The following DCAF5 variants were observed in gnomAD, a reference collection of about 807,000 sequenced individuals.
DCAF5 encodes the protein DDB1 and CUL4 associated factor 5, also known as DDB1- and CUL4-associated factor 5.
In DCAF5, 9 loss-of-function variants were observed where a neutral mutation model predicts 80.7. The observed-to-expected ratio is 0.11, with a 90% CI of 0.07 to 0.19. The LOEUF (loss-of-function observed/expected upper bound fraction) is 0.19. Among genes scored for constraint, DCAF5 ranks in the 10% least tolerant of loss-of-function variants. DCAF5 has a pLI of 1.00. For synonymous variants in DCAF5, 433 were observed against 461.9 expected (o/e 0.94, Z 0.80); for missense variants, 842 against 1,205.7 (o/e 0.70, Z 4.47).
chr14:69,102,855 C>G (rs1402489789), intron 5 of DCAF5, among the ~76,000 whole-genome samples: 3 of 152,068 alleles, frequency 2.0e-5, no homozygotes, highest in Non-Finnish European at 4.4e-5. Context: ...ATACAGTAAA[C>G]AGGTAAACCA....
At chr14:69,139,319 A>G (rs1428506174) in intron 1 of DCAF5, among the ~76,000 whole-genome samples, 1 of 150,192 alleles carries the variant, frequency 6.7e-6, no homozygotes, top group Non-Finnish European at 1.5e-5. Flanking sequence ...CCTTGTCTCT[A>G]CGAAAAAATT....
chr14:69,120,213 A>C (rs1243057120), intron 2 of DCAF5, among the ~76,000 whole-genome samples: 3 of 152,058 alleles, frequency 2.0e-5, no homozygotes, highest in African/African-American at 7.2e-5. Flanking sequence ...CCTCTCTAGT[A>C]GCTGGAACTA....
At chr14:69,114,559 G>A (rs2040479721) in intron 5 of DCAF5, among the ~76,000 whole-genome samples, 1 of 152,190 alleles carries the variant, frequency 6.6e-6, no homozygotes, top group Admixed American at 6.5e-5. Context: ...ATAAGAAACT[G>A]TTCACTGTAG....
At position 69,084,978 on chromosome 14, in the gene DCAF5, G is replaced by T. The variant is rs1365179273; in HGVS notation, c.879+6696C>A. 8 of 1,419,258 alleles carry T rather than the reference G, an allele frequency of 5.6e-6. No homozygotes were observed. In the African/African-American group the frequency reaches 1.1e-4, roughly 20 times the overall value. 87.9% of individuals were successfully genotyped at this position (1,419,258 alleles called of 1,614,324 possible). On this transcript the variant is annotated intron_variant, in intron 6 of 8. Transcript: ENST00000341516. The stretch of plus-strand genomic sequence containing the variant: ...TGCCTTGCTCATTTTGCACCCAGAA[G>T]AATTGGGTTTTCTTCACTACCTGAA...
At chr14:69,101,139 G>A (rs956798178) in intron 5 of DCAF5, among the ~76,000 whole-genome samples, 5 of 152,148 alleles carry the variant, frequency 3.3e-5, no homozygotes, top group South Asian at 2.1e-4. Flanking sequence ...TCAAGCAGCC[G>A]AAATAGAAGC....
intron 1 of DCAF5, among the ~76,000 whole-genome samples, chr14:69,136,903 A>T (rs764541966): frequency 7.9e-5 from 12 of 152,232 alleles, no homozygotes; most frequent in Non-Finnish European, 1.2e-4. Flanking sequence ...TAAAATATTA[A>T]TCTTAATATT....
chr14:69,096,662 A>C (rs1389570125), intron 5 of DCAF5, among the ~76,000 whole-genome samples: 2 of 152,180 alleles, frequency 1.3e-5, no homozygotes, highest in African/African-American at 4.8e-5. Context: ...AAAGCCCCAC[A>C]GAACCAATCA....
intron 6 of DCAF5, among the ~76,000 whole-genome samples, chr14:69,087,637 G>A (rs993722021): frequency 1.7e-4 from 26 of 152,266 alleles, no homozygotes; most frequent in African/African-American, 6.0e-4. Context: ...CCAAAAGGGG[G>A]GAAGACAGAT....
chr14:69,122,523 A>T (rs1315177008), intron 1 of DCAF5, among the ~76,000 whole-genome samples, 163 bp from the exon 2 acceptor site: 1 of 152,140 alleles, frequency 6.6e-6, no homozygotes, highest in African/African-American at 2.4e-5. Context: ...CTTCACCATC[A>T]ATAGGCACGT....
intron 5 of DCAF5, among the ~76,000 whole-genome samples, chr14:69,092,329 A>C (rs2039561777): frequency 6.6e-6 from 1 of 152,180 alleles, no homozygotes; most frequent in Admixed American, 6.5e-5. Flanking sequence ...ATCAGTAAAA[A>C]CAATAGGCCG....
intron 6 of DCAF5, chr14:69,083,458 C>T (rs774632966): frequency 1.9e-5 from 6 of 322,434 alleles, no homozygotes; most frequent in East Asian, 8.4e-5. Flanking sequence ...CCTCAAACTG[C>T]GGCAGTGGAA....
chr14:69,076,163 G>A (rs982207650), intron 6 of DCAF5, among the ~76,000 whole-genome samples: 1 of 151,998 alleles, frequency 6.6e-6, no homozygotes, highest in Non-Finnish European at 1.5e-5. Context: ...TGGAGAAAGT[G>A]AGAACCCTTG....
At chr14:69,071,184 T>C (rs2038678576) in intron 7 of DCAF5, among the ~76,000 whole-genome samples, 1 of 152,198 alleles carries the variant, frequency 6.6e-6, no homozygotes, top group African/African-American at 2.4e-5. Context: ...GTAGCAAGTT[T>C]TATAGTGGAT....
At chr14:69,103,069 A>G (rs2040019954) in intron 5 of DCAF5, among the ~76,000 whole-genome samples, 1 of 152,230 alleles carries the variant, frequency 6.6e-6, no homozygotes, top group Non-Finnish European at 1.5e-5. Flanking sequence ...GACTTTTGTC[A>G]TACATGTGGG....
intron 1 of DCAF5, among the ~76,000 whole-genome samples, chr14:69,124,795 C>T (rs114671216): frequency 0.011 from 1,600 of 152,244 alleles, 28 homozygotes; most frequent in African/African-American, 0.036. Flanking sequence ...CTATAGTCTC[C>T]ACTCCTATGG....
rs1037800196 is a variant in DCAF5 at position 69,104,821 on chromosome 14, C to T, written c.665+11545G>A. 3.3e-5 allele frequency among the ~76,000 whole-genome samples: 5 copies of T among 151,716 alleles called. No individual in the cohort carries two copies. In the East Asian group the frequency reaches 9.7e-4, roughly 29 times the overall value. On this transcript the variant is annotated intron_variant, in intron 5 of 8. Transcript: ENST00000341516. ...GCAGTGAGCCAAGATAGCGCCATTGCACTCCAGCCTGGGCAACGAGAGCAA... is the reference window on the plus strand; with the variant it reads ...GCAGTGAGCCAAGATAGCGCCATTGTACTCCAGCCTGGGCAACGAGAGCAA...
intron 6 of DCAF5, chr14:69,089,203 A>G (rs2139959638): frequency 6.5e-6 from 1 of 152,752 alleles, no homozygotes; most frequent in African/African-American, 2.4e-5. Flanking sequence ...CGTACTCAAG[A>G]TTTACTTCAA....
chr14:69,088,112 G>A (rs990318010), intron 6 of DCAF5, among the ~76,000 whole-genome samples: 1 of 152,186 alleles, frequency 6.6e-6, no homozygotes, highest in Non-Finnish European at 1.5e-5. Flanking sequence ...TAGATGGGAT[G>A]TGGGCTCTCC....
Position 69,152,677 on chromosome 14 carries a change from A to T in DCAF5, c.214+88T>A. On this transcript the variant is annotated intron_variant, in intron 1 of 8. Coordinates refer to ENST00000341516, the MANE Select transcript of DCAF5 (RefSeq NM_003861.3). The surrounding 1 kb of genome is among the most constrained non-coding windows in gnomAD (Gnocchi z 4.1). ...AGAGAAAGGGAGGGGGTGGGGACAG[A>T]GGGCAGGAGGAGGGTGACGGGGGAG... 1 of 884,906 alleles carries T rather than the reference A, an allele frequency of 1.1e-6. No individual in the cohort carries two copies. 54.8% of individuals were successfully genotyped at this position (884,906 alleles called of 1,614,324 possible).
Sources: gnomAD v4.1 joint callset for allele counts (sites outside exome capture counted in the v4.1 genomes callset) on GRCh38, gnomAD v4.1.1 for gene constraint, Gnocchi (gnomAD v3.1) non-coding constraint, MANE v1.5 for transcripts, NCBI Gene and HGNC (gene_info 2026-07-23, HGNC 2026-07-21) for gene names.